The following PKHD1 variants were observed in gnomAD, a reference collection of about 807,000 sequenced individuals.
PKHD1 encodes fibrocystin.
In PKHD1, 291 loss-of-function variants were observed where a neutral mutation model predicts 412.0. The ratio of observed to expected loss-of-function variants is 0.71; its 90% CI spans 0.64 to 0.78. The LOEUF is 0.78. Among genes scored for constraint, PKHD1 ranks in the 30% least tolerant of loss-of-function variants. The pLI is 0.00. For synonymous variants in PKHD1, 1,777 were observed against 1,821.5 expected, an observed-to-expected ratio of 0.98 and a Z score of 0.62; for missense variants, 4,825 against 4,950.7, an observed-to-expected ratio of 0.97 and a Z score of 0.76.
At chr6:52,068,419 T>C (rs1194771387) in intron 11 of PKHD1, among the ~76,000 whole-genome samples, 2 of 152,172 alleles carry the variant, frequency 1.3e-5, no homozygotes, top group South Asian at 2.1e-4. Flanking sequence ...TTGATAGCAA[T>C]GGGCAGGCTC....
At position 52,043,688 on chromosome 6, in the gene PKHD1, A is replaced by G; in HGVS notation, c.2758T>C (p.Ser920Pro). The G allele has an allele frequency of 2.5e-6, 4 of 1,613,662 alleles. No homozygotes were observed. The highest frequency in any genetic ancestry group is 3.4e-6 in the Non-Finnish European group (4 of 1,179,624). The change falls in exon 26 of 67, where the codon TCC becomes CCC. Residue 920 changes from serine to proline, a missense_variant. Ser to Pro is a moderately conservative substitution (Grantham distance 74). Transcript: ENST00000371117. Reference sequence around the variant, plus strand: ...CCTTGGAGGTACTGGAAAGAGCAGGAACCTGGGCAATGAGCTGGTACATCA... The same window carrying G: ...CCTTGGAGGTACTGGAAAGAGCAGGGACCTGGGCAATGAGCTGGTACATCA... ...VNDVPAHCPGSCSFQYLQGST... is the reference protein window; with the variant it reads ...VNDVPAHCPGPCSFQYLQGST...
chr6:52,047,143 A>C (rs1486172679), intron 23 of PKHD1, among the ~76,000 whole-genome samples: 1 of 152,236 alleles, frequency 6.6e-6, no homozygotes, highest in Non-Finnish European at 1.5e-5. Context: ...TGATCTGAGG[A>C]TCATCAGTGA....
chr6:51,721,803 A>G (rs1781956985), intron 60 of PKHD1: 1 of 1,485,018 alleles, frequency 6.7e-7, no homozygotes, highest in Non-Finnish European at 8.9e-7. Flanking sequence ...GATCTGTACC[A>G]TCCTCTCCAT....
chr6:51,872,414 G>GT (rs1776118686), intron 46 of PKHD1, among the ~76,000 whole-genome samples: 1 of 36,954 alleles, frequency 2.7e-5, no homozygotes, highest in Non-Finnish European at 1.2e-4. Flanking sequence ...TTTGTTTTTT[G>GT]GTTTTTTTTT....
intron 60 of PKHD1, among the ~76,000 whole-genome samples, chr6:51,723,127 A>T (rs1457798853): frequency 1.3e-5 from 2 of 152,206 alleles, no homozygotes; most frequent in African/African-American, 4.8e-5. Flanking sequence ...GCTCAGAATC[A>T]CATCTCAGTT....
chr6:51,715,031 G>A (rs562320985), intron 60 of PKHD1, among the ~76,000 whole-genome samples: 1 of 151,812 alleles, frequency 6.6e-6, no homozygotes, highest in East Asian at 1.9e-4. Context: ...TTAAGATTGA[G>A]CCTTAAGTCT....
chr6:51,666,814 G>A (rs527891062), intron 60 of PKHD1, among the ~76,000 whole-genome samples: 33 of 151,342 alleles, frequency 2.2e-4, no homozygotes, highest in African/African-American at 7.3e-4. Flanking sequence ...TTGTTCTTGC[G>A]ATAGTTTACT....
intron 1 of PKHD1, among the ~76,000 whole-genome samples, chr6:52,085,668 C>T (rs1812673400): frequency 6.6e-6 from 1 of 152,296 alleles, no homozygotes; most frequent in East Asian, 1.9e-4. Flanking sequence ...CACACATAGG[C>T]CTCTTCTTCC....
intron 43 of PKHD1, among the ~76,000 whole-genome samples, 183 bp downstream of exon 43, chr6:51,903,414 C>T (rs1428001388): frequency 1.3e-5 from 2 of 152,078 alleles, no homozygotes; most frequent in African/African-American, 2.4e-5. Flanking sequence ...ATTTGTTTTA[C>T]AATTTTTTTT....
chr6:51,851,808 A>T (rs1477949532), intron 49 of PKHD1, among the ~76,000 whole-genome samples: 1 of 148,690 alleles, frequency 6.7e-6, no homozygotes, highest in Non-Finnish European at 1.5e-5. Context: ...TTCTTTGTTA[A>T]TCTAGCTAGC....
At chr6:52,044,580 A>T (rs914004208) in intron 25 of PKHD1, among the ~76,000 whole-genome samples, 1 of 152,192 alleles carries the variant, frequency 6.6e-6, no homozygotes, top group African/African-American at 2.4e-5. Context: ...AATTGAAAGT[A>T]GATGACCTAT....
Position 51,848,918 on chromosome 6 carries a change from GTT to G in PKHD1, c.7912-950_7912-949del, listed in dbSNP as rs11356592. 4.2e-4 allele frequency among the ~76,000 whole-genome samples: 53 copies of G among 125,498 alleles called. 2 individuals are homozygous for G. Among genetic ancestry groups the G allele is most frequent in the African/African-American group, 1.4e-3 (48 of 33,210 alleles). The allele number at this position is 125,498 out of a possible 152,430, so 82.3% of individuals were successfully genotyped here. A position where few individuals can be genotyped will look rare whatever the true frequency, so the allele number is the denominator to read the frequency against. ...CCTCATGGCCATTTTTTTTTTTTTA[GTT>G]TTTTTTTTTATTTCTTCTGAAAAAA... On this transcript the variant is annotated intron_variant, in intron 49 of 66. Transcript: ENST00000371117.
At chr6:52,031,140 A>G (rs1454392771) in intron 29 of PKHD1, among the ~76,000 whole-genome samples, 3 of 152,140 alleles carry the variant, frequency 2.0e-5, no homozygotes, top group African/African-American at 7.2e-5. Flanking sequence ...TTTATTTCCT[A>G]TTTTCATGAT....
At chr6:51,852,101 T>A (rs1772380596) in intron 49 of PKHD1, among the ~76,000 whole-genome samples, 1 of 152,166 alleles carries the variant, frequency 6.6e-6, no homozygotes, top group Non-Finnish European at 1.5e-5. Context: ...TCTGATACAT[T>A]TTCTCTTTGT....
intron 52 of PKHD1, among the ~76,000 whole-genome samples, chr6:51,799,557 G>A (rs1277991552): frequency 6.6e-6 from 1 of 152,100 alleles, no homozygotes; most frequent in Non-Finnish European, 1.5e-5. Context: ...AGAAAATTCT[G>A]CTAAAATAAA....
At chr6:51,855,805 T>A (rs1197665217) in intron 49 of PKHD1, 88 bp downstream of exon 49, 3 of 1,013,156 alleles carry the variant, frequency 3.0e-6, no homozygotes, top group Non-Finnish European at 4.7e-6. Context: ...CGAGATAACC[T>A]GCTCCTCTTT....
At chr6:52,045,431 G>A (rs1805644726) in intron 24 of PKHD1, among the ~76,000 whole-genome samples, 3 of 152,198 alleles carry the variant, frequency 2.0e-5, no homozygotes, top group African/African-American at 7.2e-5. Flanking sequence ...ACAGTGCCAT[G>A]AGATAAGAGC....
intron 60 of PKHD1, among the ~76,000 whole-genome samples, chr6:51,726,238 C>A (rs116289232): frequency 5.3e-5 from 8 of 152,120 alleles, no homozygotes; most frequent in African/African-American, 1.9e-4. Context: ...GCTTAAATTC[C>A]GGTTCCATTA....
intron 35 of PKHD1, among the ~76,000 whole-genome samples, chr6:51,996,537 T>C (rs1321145012): frequency 2.0e-5 from 3 of 152,216 alleles, no homozygotes; most frequent in Non-Finnish European, 4.4e-5. Context: ...AACACCTAAC[T>C]GACTTTAAAG....
Sources: gnomAD v4.1 joint callset for allele counts (sites outside exome capture counted in the v4.1 genomes callset) on GRCh38, gnomAD v4.1.1 for gene constraint, MANE v1.5 for transcripts, NCBI Gene and HGNC (gene_info 2026-07-23, HGNC 2026-07-21) for gene names.